The following MFSD6 variants were observed in gnomAD, a reference collection of about 807,000 sequenced individuals.
MFSD6 encodes major facilitator superfamily domain containing 6.
A neutral mutation model predicts 56.3 loss-of-function variants in MFSD6; 26 were observed. The ratio of observed to expected loss-of-function variants is 0.46; its 90% CI spans 0.34 to 0.64. The LOEUF (loss-of-function observed/expected upper bound fraction) is 0.64. Among genes scored for constraint, MFSD6 ranks in the 30% least tolerant of loss-of-function variants. The probability of loss-of-function intolerance (pLI) is 0.01; values close to 1 mark genes in which losing one functional copy is unlikely to be tolerated. For missense variants in MFSD6, 750 were observed against 986.2 expected (o/e 0.76, Z 3.21); for synonymous variants, 331 against 366.9 (o/e 0.90, Z 1.12).
Position 190,494,064 on chromosome 2 carries a change from A to C in MFSD6, c.1892-3375A>C, listed in dbSNP as rs1269079220. On this transcript the variant is annotated intron_variant, in intron 6 of 7. Coordinates refer to ENST00000392328, the MANE Select transcript of MFSD6 (RefSeq NM_017694.4). This position sits in a 1 kb window ranked among gnomAD's most constrained non-coding sequence, Gnocchi z 5.7. ...AAAATACAAAAAATAAATGAAACAA[A>C]AAGCTGGTTGTTTGAAAAGATAAAT... Among the ~76,000 whole-genome samples, 2 of 152,144 alleles carry C rather than the reference A, an allele frequency of 1.3e-5. No homozygotes were observed. Among genetic ancestry groups the C allele is most frequent in the African/African-American group, 4.8e-5 (2 of 41,452 alleles).
chr2:190,462,467 C>T lies in MFSD6; in HGVS notation c.1533-7291C>T, dbSNP rs917276094. On this transcript the variant is annotated intron_variant, in intron 3 of 7. Transcript: ENST00000392328. This position sits in a 1 kb window ranked among gnomAD's most constrained non-coding sequence, Gnocchi z 5.7. ...GCTTCCTTTTGCCCTCATATTTTAT[C>T]AGTTTACATAAGATTATATTAAATG... Among the ~76,000 whole-genome samples the T allele has an allele frequency of 6.6e-6, 1 of 152,142 alleles. No homozygotes were observed. The highest frequency in any genetic ancestry group is 2.4e-5 in the African/African-American group (1 of 41,434).
Position 190,465,336 on chromosome 2 carries a change from T to G in MFSD6, c.1533-4422T>G, listed in dbSNP as rs1240336735. Among the ~76,000 whole-genome samples the G allele has an allele frequency of 1.3e-5, 2 of 152,230 alleles. No individual in the cohort carries two copies. The highest frequency in any genetic ancestry group is 1.3e-4 in the Admixed American group (2 of 15,286). On this transcript the variant is annotated intron_variant, in intron 3 of 7. Coordinates refer to ENST00000392328, the MANE Select transcript of MFSD6 (RefSeq NM_017694.4). This position sits in a 1 kb window ranked among gnomAD's most constrained non-coding sequence, Gnocchi z 4.6. Reference sequence around the variant, plus strand: ...GTTTCTTGTCTATTTTTATTACTACTGACTTCCTGTTCTGAAATAGGACAG... The same window carrying G: ...GTTTCTTGTCTATTTTTATTACTACGGACTTCCTGTTCTGAAATAGGACAG...
chr2:190,479,561 T>G (rs923270923), intron 4 of MFSD6, among the ~76,000 whole-genome samples: 16 of 152,218 alleles, frequency 1.1e-4, no homozygotes, highest in African/African-American at 3.9e-4. Context: ...AAATATTTGA[T>G]TAAAATAAAG....
At chr2:190,474,204 A>C (rs1222384259) in intron 4 of MFSD6, among the ~76,000 whole-genome samples, 11 of 152,192 alleles carry the variant, frequency 7.2e-5, no homozygotes. Flanking sequence ...AAGGCAAGAA[A>C]TAACTAAGAT....
At position 190,499,645 on chromosome 2, in the gene MFSD6, A is replaced by G. The variant is rs1291604350; in HGVS notation, c.2173-370A>G. ...GCTCTTGGATTCTGTGGTCTTAGCA[A>G]GCGGCCTGAGTTTCAGTTATTCCAT... On this transcript the variant is annotated intron_variant, in intron 7 of 7. Transcript: ENST00000392328. The surrounding 1 kb of genome is among the most constrained non-coding windows in gnomAD (Gnocchi z 6.0). Among the ~76,000 whole-genome samples the G allele has an allele frequency of 6.6e-6, 1 of 152,244 alleles. No homozygotes were observed. The highest frequency in any genetic ancestry group is 1.5e-5 in the Non-Finnish European group (1 of 68,050).
chr2:190,477,065 GA>G (rs1395393215), intron 4 of MFSD6: 1 of 106,260 alleles, frequency 9.4e-6, no homozygotes, highest in African/African-American at 3.8e-5. Flanking sequence ...GGGGTGGGGG[GA>G]GGGGGGAGGG....
Position 190,458,846 on chromosome 2 carries a change from A to G in MFSD6, c.1533-10912A>G, listed in dbSNP as rs933015412. Among the ~76,000 whole-genome samples the G allele has an allele frequency of 3.3e-5, 5 of 152,190 alleles. No homozygotes were observed. Among genetic ancestry groups the G allele is most frequent in the Admixed American group, 3.3e-4 (5 of 15,276 alleles). ...GATCAGAACCTGCATCTCTCCCTCT[A>G]TTAGCTCTGTCTCCTTTTGGGCAGG... On this transcript the variant is annotated intron_variant, in intron 3 of 7. Coordinates refer to ENST00000392328, the MANE Select transcript of MFSD6 (RefSeq NM_017694.4). This position sits in a 1 kb window ranked among gnomAD's most constrained non-coding sequence, Gnocchi z 5.3.
At position 190,487,716 on chromosome 2, in the gene MFSD6, T is replaced by C. The variant is rs1387140155; in HGVS notation, c.1631-941T>C. ...ATGAGAAACTGCTTCACATTCATTA[T>C]GATTGCTATTTTAAAAAGATATATA... On this transcript the variant is annotated intron_variant, in intron 4 of 7. Coordinates refer to ENST00000392328, the MANE Select transcript of MFSD6 (RefSeq NM_017694.4). This position sits in a 1 kb window ranked among gnomAD's most constrained non-coding sequence, Gnocchi z 5.5. Among the ~76,000 whole-genome samples the C allele has an allele frequency of 1.3e-5, 2 of 152,220 alleles. No homozygotes were observed. The highest frequency in any genetic ancestry group is 2.9e-5 in the Non-Finnish European group (2 of 68,042).
rs1006681470 is a variant in MFSD6 at position 190,434,059 on chromosome 2, T to C, written c.-53-1918T>C. 4.6e-5 allele frequency among the ~76,000 whole-genome samples: 7 copies of C among 152,004 alleles called. No homozygotes were observed. The highest frequency in any genetic ancestry group is 1.0e-4 in the Non-Finnish European group (7 of 68,012). Reference sequence around the variant, plus strand: ...TTAGTTGGGCATGGTGGCACACGTCTGTAGTCCTAGCTACTTAGGAGACTG... The same window carrying C: ...TTAGTTGGGCATGGTGGCACACGTCCGTAGTCCTAGCTACTTAGGAGACTG... On this transcript the variant is annotated intron_variant, in intron 2 of 7. Transcript: ENST00000392328. This position sits in a 1 kb window ranked among gnomAD's most constrained non-coding sequence, Gnocchi z 4.3.
intron 4 of MFSD6, among the ~76,000 whole-genome samples, chr2:190,473,282 A>C (rs556285266): frequency 6.6e-6 from 1 of 152,352 alleles, no homozygotes; most frequent in African/African-American, 2.4e-5. Context: ...ATTAAAAGAC[A>C]CAGACTGGCA....
rs919764219 is a variant in MFSD6, at chr2:190,494,032, A to C, written c.1892-3407A>C. ...TGAGAGAATAACTAAATGAAATTGAAGGAAAAAAAATACAAAAAATAAATG... is the reference window on the plus strand; with the variant it reads ...TGAGAGAATAACTAAATGAAATTGACGGAAAAAAAATACAAAAAATAAATG... On this transcript the variant is annotated intron_variant, in intron 6 of 7. Coordinates refer to ENST00000392328, the MANE Select transcript of MFSD6 (RefSeq NM_017694.4). The surrounding 1 kb of genome is among the most constrained non-coding windows in gnomAD (Gnocchi z 5.7). Among the ~76,000 whole-genome samples, 31 of 152,236 alleles carry C rather than the reference A, an allele frequency of 2.0e-4. No homozygotes were observed. Among genetic ancestry groups the C allele is most frequent in the South Asian group, 1.9e-3 (9 of 4,832 alleles).
rs1055171161 is a variant in MFSD6, at chr2:190,458,714, A to G, written c.1533-11044A>G. ...TTGAGACTCTTTCAGTGAAAGTGGC[A>G]AAAATCCTTACCCAGAGAAGCTTAA... On this transcript the variant is annotated intron_variant, in intron 3 of 7. Transcript: ENST00000392328. This position sits in a 1 kb window ranked among gnomAD's most constrained non-coding sequence, Gnocchi z 5.3. 6.6e-6 allele frequency among the ~76,000 whole-genome samples: 1 copy of G among 152,208 alleles called. No homozygotes were observed. Among genetic ancestry groups the G allele is most frequent in the Admixed American group, 6.5e-5 (1 of 15,284 alleles).
rs1425556924 is a variant in MFSD6, at chr2:190,491,108, A to G, written c.1891+1242A>G. On this transcript the variant is annotated intron_variant, in intron 6 of 7. Coordinates refer to ENST00000392328, the MANE Select transcript of MFSD6 (RefSeq NM_017694.4). This position sits in a 1 kb window ranked among gnomAD's most constrained non-coding sequence, Gnocchi z 4.2. The stretch of plus-strand genomic sequence containing the variant: ...AATATCTTTGCTATTAATCACAAAA[A>G]AATTTAAAATCATTAATTAAACATT... Among the ~76,000 whole-genome samples the G allele has an allele frequency of 6.6e-6, 1 of 152,246 alleles. No homozygotes were observed.
At chr2:190,477,422 A>G (rs1688401767) in intron 4 of MFSD6, 1 of 920,322 alleles carries the variant, frequency 1.1e-6, no homozygotes. Context: ...ATAATAATAC[A>G]TGCATATAAC....
intron 4 of MFSD6, among the ~76,000 whole-genome samples, chr2:190,486,785 G>A (rs1311292384): frequency 6.6e-6 from 1 of 152,194 alleles, no homozygotes; most frequent in Non-Finnish European, 1.5e-5. Flanking sequence ...ATCTCCAAAT[G>A]AGACTATTTC....
intron 2 of MFSD6, among the ~76,000 whole-genome samples, chr2:190,420,004 T>A (rs1685548373): frequency 6.6e-6 from 1 of 152,240 alleles, no homozygotes; most frequent in Non-Finnish European, 1.5e-5. Flanking sequence ...CCAGAAAAGA[T>A]CATAAAGTTA....
At chr2:190,446,312 G>A (rs1686581909) in intron 3 of MFSD6, among the ~76,000 whole-genome samples, 1 of 152,156 alleles carries the variant, frequency 6.6e-6, no homozygotes, top group African/African-American at 2.4e-5. Flanking sequence ...GTGGATGGAC[G>A]CAGGGTGTAT....
rs147742658 is a variant in MFSD6, at chr2:190,419,929, A to G, written c.-54+4516A>G. Among the ~76,000 whole-genome samples the G allele has an allele frequency of 1.9e-3, 296 of 152,310 alleles. No homozygotes were observed. In the Middle Eastern group the frequency reaches 0.02, roughly 11 times the overall value. ...AGGTGAGAAGACTTCTGCTTTCCTA[A>G]AAAGTAAACAAAGCCTTCCTTATCT... On this transcript the variant is annotated intron_variant, in intron 2 of 7. Transcript: ENST00000392328.
Position 190,416,456 on chromosome 2 carries a change from G to A in MFSD6, c.-54+1043G>A, listed in dbSNP as rs1471216707. ...AGTGAATAGTTATTTCTTTCCTGGA[G>A]ATAATGAATTATCATTCCAGTCCAT... On this transcript the variant is annotated intron_variant, in intron 2 of 7. Coordinates refer to ENST00000392328, the MANE Select transcript of MFSD6 (RefSeq NM_017694.4). This position sits in a 1 kb window ranked among gnomAD's most constrained non-coding sequence, Gnocchi z 4.1. Among the ~76,000 whole-genome samples the A allele has an allele frequency of 6.6e-6, 1 of 152,138 alleles. No individual in the cohort carries two copies. Among genetic ancestry groups the A allele is most frequent in the East Asian group, 1.9e-4 (1 of 5,196 alleles).
Sources: allele counts gnomAD v4.1 joint callset (sites outside exome capture counted in the v4.1 genomes callset), GRCh38; gene constraint gnomAD v4.1.1; non-coding constraint Gnocchi (gnomAD v3.1); transcripts MANE v1.5; gene names NCBI Gene and HGNC (gene_info 2026-07-23, HGNC 2026-07-21).